EFCAB5: variants seen among roughly 807,000 people sequenced by gnomAD.
EFCAB5 encodes the protein EF-hand calcium-binding domain-containing protein 5.
EFCAB5 carries 131 observed loss-of-function variants against 167.9 expected under a neutral mutation model. The observed-to-expected ratio is 0.78, with a 90% CI of 0.68 to 0.90. The LOEUF is 0.90. Ranked by LOEUF, EFCAB5 falls within the 40% of genes least tolerant of loss-of-function variation. The pLI, the probability that EFCAB5 is intolerant of heterozygous loss-of-function variation, is 0.00. For missense variants in EFCAB5, 1,663 were observed against 1,745.2 expected (o/e 0.95, Z 0.84); for synonymous variants, 574 against 602.8 (o/e 0.95, Z 0.70).
chr17:29,968,706 A>G, intron 3 of EFCAB5, 85 bp from the exon 4 acceptor site: 1 of 1,162,032 alleles, frequency 8.6e-7, no homozygotes, highest in Non-Finnish European at 1.2e-6. Context: ...ATGGATATAA[A>G]AATTTTTTCA....
At chr17:29,957,507 G>A (rs1034594050) in intron 3 of EFCAB5, among the ~76,000 whole-genome samples, 27 of 152,030 alleles carry the variant, frequency 1.8e-4, no homozygotes, top group African/African-American at 6.5e-4. Context: ...AGGCCCCAGT[G>A]TATGTTGTTC....
chr17:29,995,493 A>G (rs977544665), intron 5 of EFCAB5, among the ~76,000 whole-genome samples: 4 of 152,226 alleles, frequency 2.6e-5, no homozygotes, highest in Non-Finnish European at 5.9e-5. Context: ...TGGTAAAGCC[A>G]TGTTTCCTCT....
At chr17:30,022,996 C>T (rs902500735) in intron 7 of EFCAB5, among the ~76,000 whole-genome samples, 4 of 151,598 alleles carry the variant, frequency 2.6e-5, no homozygotes, top group Non-Finnish European at 5.9e-5. Flanking sequence ...AACAAAGACA[C>T]AACATACCAG....
chr17:29,946,438 T>A (rs1305718091), intron 3 of EFCAB5, among the ~76,000 whole-genome samples: 1 of 136,092 alleles, frequency 7.3e-6, no homozygotes, highest in Non-Finnish European at 1.6e-5. Context: ...TCTTTTTTTT[T>A]TTTTTTTTTT....
chr17:30,065,038 C>T (rs1238205689), intron 14 of EFCAB5, among the ~76,000 whole-genome samples: 2 of 152,198 alleles, frequency 1.3e-5, no homozygotes, highest in Admixed American at 6.5e-5. Flanking sequence ...ATTATCACCA[C>T]TAAACCGGCC....
At chr17:30,012,757 C>T (rs559286297) in intron 7 of EFCAB5, among the ~76,000 whole-genome samples, 96 of 152,234 alleles carry the variant, frequency 6.3e-4, no homozygotes, top group Non-Finnish European at 3.7e-4. Context: ...AGAGACCCGC[C>T]GACCCTGTGG....
At chr17:30,054,233 T>G in intron 10 of EFCAB5, 85 bp downstream of exon 10, 1 of 1,447,590 alleles carries the variant, frequency 6.9e-7, no homozygotes, top group Non-Finnish European at 9.1e-7. Context: ...TCATTTAAGT[T>G]AGAATTTTTT....
chr17:29,932,804 G>C (rs181692971), intron 1 of EFCAB5, among the ~76,000 whole-genome samples: 1 of 152,118 alleles, frequency 6.6e-6, no homozygotes, highest in African/African-American at 2.4e-5. Context: ...GTCAAGACAT[G>C]TTTCATCTGT....
chr17:30,002,507 C>T (rs2068683142), intron 7 of EFCAB5, among the ~76,000 whole-genome samples: 1 of 152,202 alleles, frequency 6.6e-6, no homozygotes, highest in African/African-American at 2.4e-5. Context: ...TCATTTTCCA[C>T]TTTGCCAATT....
intron 7 of EFCAB5, among the ~76,000 whole-genome samples, chr17:30,001,333 G>T (rs2068657632): frequency 6.6e-6 from 1 of 152,120 alleles, no homozygotes; most frequent in Non-Finnish European, 1.5e-5. Context: ...TATTAAAATT[G>T]TTCATGAAAA....
intron 21 of EFCAB5, 140 bp downstream of exon 21, chr17:30,092,297 C>T: frequency 1.1e-6 from 1 of 908,982 alleles, no homozygotes; most frequent in Non-Finnish European, 1.6e-6. Context: ...GTAACCAGAC[C>T]TAGATCAAGA....
At position 30,091,933 on chromosome 17, in the gene EFCAB5, G is replaced by C; in HGVS notation, c.4000G>C (p.Glu1334Gln). Residue 1334 changes from glutamate to glutamine, a missense_variant, in exon 21 of 23, where the codon GAG becomes CAG. Coordinates refer to ENST00000394835, the MANE Select transcript of EFCAB5 (RefSeq NM_198529.4). Reference sequence around the variant, plus strand: ...TCTCTTCTTCCGAATCATGCTGCTCGAGCTACAGGAAAGCATCCAACTACT... The same window carrying C: ...TCTCTTCTTCCGAATCATGCTGCTCCAGCTACAGGAAAGCATCCAACTACT... ...GILFFRIMLL[E>Q]LQESIQLLNS... is the part of the protein sequence containing the mutation. 1.2e-6 allele frequency: 2 copies of C among 1,613,966 alleles called. No individual in the cohort carries two copies. Among genetic ancestry groups the C allele is most frequent in the Non-Finnish European group, 1.7e-6 (2 of 1,179,902 alleles).
chr17:30,013,463 G>A (rs1465863090), intron 7 of EFCAB5, among the ~76,000 whole-genome samples: 3 of 151,532 alleles, frequency 2.0e-5, no homozygotes, highest in Non-Finnish European at 4.4e-5. Flanking sequence ...GCTATTAATT[G>A]TTGCCTCAAT....
At chr17:30,037,671 G>A (rs1268130146) in intron 8 of EFCAB5, among the ~76,000 whole-genome samples, 1 of 152,140 alleles carries the variant, frequency 6.6e-6, no homozygotes, top group African/African-American at 2.4e-5. Context: ...TCTTTGCAAA[G>A]CATTCTGGAT....
intron 20 of EFCAB5, among the ~76,000 whole-genome samples, 156 bp downstream of exon 20, chr17:30,090,830 C>T (rs922543078): frequency 5.9e-5 from 9 of 152,082 alleles, no homozygotes; most frequent in East Asian, 5.8e-4. Context: ...CTTGCGCTGA[C>T]GAGTAATGTC....
intron 7 of EFCAB5, among the ~76,000 whole-genome samples, chr17:30,013,803 T>A (rs1343250265): frequency 6.6e-6 from 1 of 152,232 alleles, no homozygotes; most frequent in South Asian, 2.1e-4. Flanking sequence ...TCTAGCTCCT[T>A]CAATTCTGCT....
Position 30,053,522 on chromosome 17 carries a change from T to A in EFCAB5, c.1568T>A (p.Ile523Asn). 1 of 1,613,860 alleles carries A rather than the reference T, an allele frequency of 6.2e-7. No homozygotes were observed. Among genetic ancestry groups the A allele is most frequent in the Non-Finnish European group, 8.5e-7 (1 of 1,179,866 alleles). ...GAACAAGGACCACAAAGAATTTCAATTGAAGAACAACAACAAGGCAAAAAG... is the reference window on the plus strand; with the variant it reads ...GAACAAGGACCACAAAGAATTTCAAATGAAGAACAACAACAAGGCAAAAAG... ...TAEQGPQRIS[I>N]EEQQQGKKPT... The change falls in exon 10 of 23, where the codon ATT becomes AAT. Residue 523 changes from isoleucine to asparagine, a missense_variant. Physicochemically the swap from Ile to Asn is moderately radical, Grantham distance 149 (BLOSUM62 -3). Coordinates refer to ENST00000394835, the MANE Select transcript of EFCAB5 (RefSeq NM_198529.4).
intron 7 of EFCAB5, among the ~76,000 whole-genome samples, chr17:30,012,219 T>C (rs932215679): frequency 8.5e-5 from 13 of 152,060 alleles, no homozygotes; most frequent in African/African-American, 3.1e-4. Flanking sequence ...AAAGGGAGTC[T>C]CCCTTTCCCA....
At chr17:30,061,857 T>G (rs1305235518) in intron 14 of EFCAB5, among the ~76,000 whole-genome samples, 1 of 152,194 alleles carries the variant, frequency 6.6e-6, no homozygotes, top group African/African-American at 2.4e-5. Flanking sequence ...TGTGAGCCAC[T>G]GTACCCAGCC....
Sources: gnomAD v4.1 joint callset for allele counts (sites outside exome capture counted in the v4.1 genomes callset) on GRCh38, gnomAD v4.1.1 for gene constraint, MANE v1.5 for transcripts, NCBI Gene and HGNC (gene_info 2026-07-23, HGNC 2026-07-21) for gene names.